The following DPYD variants were observed in gnomAD, a reference collection of about 807,000 sequenced individuals.
The protein encoded by DPYD is dihydropyrimidine dehydrogenase [NADP(+)].
A neutral mutation model predicts 116.2 loss-of-function variants in DPYD; 109 were observed. The ratio of observed to expected loss-of-function variants is 0.94; its 90% CI spans 0.80 to 1.10. The LOEUF is 1.10. DPYD is among the 50% of genes least tolerant of loss of function. The pLI, the probability that DPYD is intolerant of heterozygous loss-of-function variation, is 0.00. For synonymous variants in DPYD, 440 were observed against 432.0 expected, an observed-to-expected ratio of 1.02 and a Z score of -0.23; for missense variants, 1,302 against 1,254.5, an observed-to-expected ratio of 1.04 and a Z score of -0.57.
chr1:97,244,863 T>C (rs890882573), intron 18 of DPYD, among the ~76,000 whole-genome samples: 44 of 152,072 alleles, frequency 2.9e-4, no homozygotes, highest in African/African-American at 9.4e-4. Context: ...TCATTTAAAA[T>C]AGACCAGAGT....
At chr1:97,191,790 A>C (rs1326759991) in intron 20 of DPYD, among the ~76,000 whole-genome samples, 1 of 152,158 alleles carries the variant, frequency 6.6e-6, no homozygotes, top group East Asian at 1.9e-4. Flanking sequence ...GAATGATTGT[A>C]AAGTCATTTG....
At chr1:97,402,220 A>C (rs930483444) in intron 14 of DPYD, among the ~76,000 whole-genome samples, 1 of 152,122 alleles carries the variant, frequency 6.6e-6, no homozygotes, top group Non-Finnish European at 1.5e-5. Context: ...GGAAGAACTC[A>C]CATCTTGACA....
chr1:97,713,158 A>G (rs1419653172), intron 5 of DPYD, among the ~76,000 whole-genome samples: 1 of 152,092 alleles, frequency 6.6e-6, no homozygotes, highest in Non-Finnish European at 1.5e-5. Flanking sequence ...CAAGTGATTC[A>G]TGTTGATACA....
chr1:97,123,116 G>C (rs1483730603), intron 20 of DPYD, among the ~76,000 whole-genome samples: 1 of 151,946 alleles, frequency 6.6e-6, no homozygotes, highest in Non-Finnish European at 1.5e-5. Context: ...AGTTTTAAAG[G>C]AAAAACCTCA....
intron 14 of DPYD, among the ~76,000 whole-genome samples, chr1:97,383,739 C>T (rs550438266): frequency 2.6e-5 from 4 of 152,216 alleles, no homozygotes; most frequent in South Asian, 2.1e-4. Context: ...GTGCTTTTAA[C>T]GACTAGGTTT....
At chr1:97,375,011 A>G (rs1173036247) in intron 15 of DPYD, among the ~76,000 whole-genome samples, 2 of 144,442 alleles carry the variant, frequency 1.4e-5, no homozygotes, top group African/African-American at 5.2e-5. Context: ...CCTGGGTGAC[A>G]CAGCGAGACT....
At chr1:97,766,227 G>C (rs995482637) in intron 3 of DPYD, among the ~76,000 whole-genome samples, 2 of 152,012 alleles carry the variant, frequency 1.3e-5, no homozygotes, top group Non-Finnish European at 2.9e-5. Context: ...GGCAACAAGA[G>C]AGAAACTCAG....
At chr1:97,546,461 A>G in intron 12 of DPYD, 2 of 1,603,922 alleles carry the variant, frequency 1.2e-6, no homozygotes, top group Non-Finnish European at 1.7e-6. Flanking sequence ...GATGGTAGTG[A>G]CAGAGACTCT....
intron 8 of DPYD, among the ~76,000 whole-genome samples, chr1:97,619,047 A>C (rs1337771607): frequency 6.6e-6 from 1 of 152,210 alleles, no homozygotes; most frequent in Non-Finnish European, 1.5e-5. Context: ...GATATCCACC[A>C]GACTGTAAAT....
chr1:97,206,945 T>C (rs1659679180), intron 19 of DPYD, among the ~76,000 whole-genome samples: 1 of 151,718 alleles, frequency 6.6e-6, no homozygotes, highest in Admixed American at 6.6e-5. Context: ...AAATAAAACA[T>C]ACATAATTAT....
At chr1:97,305,164 TG>T in intron 18 of DPYD, 94 bp downstream of exon 18, 1 of 1,575,164 alleles carries the variant, frequency 6.3e-7, no homozygotes, top group South Asian at 1.1e-5. Context: ...TATAAGAATT[TG>T]GGATCATAAA....
chr1:97,219,038 A>G (rs775544431), intron 19 of DPYD, among the ~76,000 whole-genome samples: 1 of 152,232 alleles, frequency 6.6e-6, no homozygotes, highest in Admixed American at 6.5e-5. Flanking sequence ...GAAAGATAGT[A>G]ATCATCAGGT....
chr1:97,545,377 G>C (rs1650762883), intron 12 of DPYD, among the ~76,000 whole-genome samples: 1 of 152,076 alleles, frequency 6.6e-6, no homozygotes, highest in African/African-American at 2.4e-5. Context: ...GCATTGTATT[G>C]ATTTCCAAAT....
intron 3 of DPYD, among the ~76,000 whole-genome samples, chr1:97,751,361 TAAAC>T (rs1301417708): frequency 1.4e-5 from 2 of 145,260 alleles, no homozygotes; most frequent in Non-Finnish European, 3.0e-5. Context: ...TACATATATA[TAAAC>T]ACACACATAT....
At chr1:97,762,321 C>T (rs568615367) in intron 3 of DPYD, among the ~76,000 whole-genome samples, 33 of 151,940 alleles carry the variant, frequency 2.2e-4, no homozygotes, top group African/African-American at 7.7e-4. Flanking sequence ...CCTTTATATC[C>T]GAGGATAAGA....
chr1:97,115,140 T>C (rs1204850345), intron 20 of DPYD, among the ~76,000 whole-genome samples: 1 of 152,194 alleles, frequency 6.6e-6, no homozygotes, highest in Non-Finnish European at 1.5e-5. Context: ...TGGTGTGGGT[T>C]CTATTACACA....
chr1:97,251,816 T>C (rs1663120737), intron 18 of DPYD, among the ~76,000 whole-genome samples: 1 of 152,168 alleles, frequency 6.6e-6, no homozygotes, highest in Non-Finnish European at 1.5e-5. Flanking sequence ...AATCACTCTA[T>C]TTAGAAAGGC....
At chr1:97,477,653 G>A (rs541329247) in intron 13 of DPYD, among the ~76,000 whole-genome samples, 9 of 131,264 alleles carry the variant, frequency 6.9e-5, no homozygotes, top group African/African-American at 2.7e-4. Flanking sequence ...TCGCTCTGTC[G>A]CCCAGGCCGG....
rs1658701414 is a variant in DPYD, at chr1:97,653,313, T to A, written c.850+25782A>T. On this transcript the variant is annotated intron_variant, in intron 8 of 22. Transcript: ENST00000370192. ...GTTTGTTTCTTTCTCCTTTTTTTTT[T>A]TTTTTTTATTTTGAGACAGTCTTTC... Among the ~76,000 whole-genome samples, 2 of 151,682 alleles carry A rather than the reference T, an allele frequency of 1.3e-5. 1 individual carries two copies.
Sources: allele counts gnomAD v4.1 joint callset (sites outside exome capture counted in the v4.1 genomes callset), GRCh38; gene constraint gnomAD v4.1.1; transcripts MANE v1.5; gene names NCBI Gene and HGNC (gene_info 2026-07-23, HGNC 2026-07-21).